The following STPG2 variants were observed in gnomAD, a reference collection of about 807,000 sequenced individuals.
STPG2 encodes sperm tail PG-rich repeat containing 2, also known as sperm-tail PG-rich repeat-containing protein 2.
Under a neutral mutation model 54.2 loss-of-function variants are expected in STPG2, and 56 were observed. That is an observed-to-expected ratio of 1.03 (90% CI 0.83 to 1.29). STPG2 has a LOEUF of 1.29. Among genes scored for constraint, STPG2 ranks in the 50% most tolerant of loss-of-function variants. The probability of loss-of-function intolerance (pLI) is 0.00; values close to 1 mark genes in which losing one functional copy is unlikely to be tolerated. For missense variants in STPG2, 596 were observed against 544.9 expected (o/e 1.09, Z -0.93); for synonymous variants, 200 against 181.8 (o/e 1.10, Z -0.81).
intron 7 of STPG2, among the ~76,000 whole-genome samples, chr4:97,960,750 T>C (rs1733854750): frequency 1.3e-5 from 2 of 152,128 alleles, no homozygotes; most frequent in African/African-American, 4.8e-5. Flanking sequence ...GTAGAATCAA[T>C]ATTGTGAAAA....
At chr4:97,876,844 G>A (rs923348835) in intron 8 of STPG2, among the ~76,000 whole-genome samples, 4 of 151,804 alleles carry the variant, frequency 2.6e-5, no homozygotes, top group Non-Finnish European at 4.4e-5. Context: ...TGTTTTCTTA[G>A]CCTGGAAATA....
At chr4:97,982,077 G>A (rs920320527) in intron 5 of STPG2, among the ~76,000 whole-genome samples, 7 of 151,574 alleles carry the variant, frequency 4.6e-5, no homozygotes, top group Non-Finnish European at 8.8e-5. Flanking sequence ...GTAGAAACGG[G>A]GTTTCACCGT....
At chr4:97,606,250 T>C (rs1733589256) in intron 10 of STPG2, among the ~76,000 whole-genome samples, 1 of 151,922 alleles carries the variant, frequency 6.6e-6, no homozygotes, top group African/African-American at 2.4e-5. Context: ...ATTTTCTAAA[T>C]AAAGACTCTG....
At chr4:97,952,283 G>A (rs1431045768) in intron 7 of STPG2, among the ~76,000 whole-genome samples, 1 of 152,044 alleles carries the variant, frequency 6.6e-6, no homozygotes, top group Non-Finnish European at 1.5e-5. Flanking sequence ...GGAGGAAAAA[G>A]AATTCCCCTT....
At chr4:98,101,676 C>T (rs939163055) in intron 5 of STPG2, among the ~76,000 whole-genome samples, 2 of 152,072 alleles carry the variant, frequency 1.3e-5, no homozygotes, top group Non-Finnish European at 2.9e-5. Context: ...TTTACAGTTC[C>T]CTTATCACCT....
intron 9 of STPG2, among the ~76,000 whole-genome samples, chr4:97,729,279 T>C (rs1268534117): frequency 6.6e-6 from 1 of 152,128 alleles, no homozygotes; most frequent in Non-Finnish European, 1.5e-5. Flanking sequence ...TTTTGCTATC[T>C]TTCAGATTTG....
At chr4:97,764,667 T>C (rs1216107962) in intron 9 of STPG2, among the ~76,000 whole-genome samples, 9 of 152,128 alleles carry the variant, frequency 5.9e-5, no homozygotes, top group Non-Finnish European at 1.3e-4. Context: ...TAATTAAAAG[T>C]ATATATATGT....
chr4:98,035,659 C>A (rs1037678463), intron 5 of STPG2, among the ~76,000 whole-genome samples: 2 of 152,120 alleles, frequency 1.3e-5, no homozygotes, highest in East Asian at 3.9e-4. Context: ...ATGTTTATTG[C>A]GGCATTGTTC....
chr4:97,474,209 A>G (rs1730016198), intron 4 of STPG2, among the ~76,000 whole-genome samples: 1 of 152,034 alleles, frequency 6.6e-6, no homozygotes, highest in Non-Finnish European at 1.5e-5. Flanking sequence ...CTCTCCATAC[A>G]TTTTGTTCAA....
At position 97,593,895 on chromosome 4, in the gene STPG2, A is replaced by G. The variant is rs181899148; in HGVS notation, c.1321-34778T>C. On this transcript the variant is annotated intron_variant, in intron 10 of 10. Coordinates refer to ENST00000295268, the MANE Select transcript of STPG2 (RefSeq NM_174952.3). ...TGGAGCATGTAGCCCAGAAATGCTG[A>G]GCCGAGCCATGATGCCTTAAGTTCT... Among the ~76,000 whole-genome samples the G allele has an allele frequency of 2.9e-3, 449 of 152,270 alleles. 2 individuals are homozygous for G. The highest frequency in any genetic ancestry group is 0.01 in the African/African-American group (432 of 41,550).
At chr4:97,615,205 G>C (rs2148918375) in intron 10 of STPG2, among the ~76,000 whole-genome samples, 2 of 152,124 alleles carry the variant, frequency 1.3e-5, no homozygotes, top group South Asian at 4.1e-4. Flanking sequence ...TTAAACTGAT[G>C]ACTTATCTTT....
chr4:97,694,045 A>G (rs1817220), intron 10 of STPG2, among the ~76,000 whole-genome samples: 89,348 of 151,834 alleles, frequency 0.59, 26,594 homozygotes, highest in South Asian at 0.68. Context: ...AGCATCAAAC[A>G]CCTACATCAA....
At chr4:97,485,040 A>C (rs1054222565) in intron 4 of STPG2, among the ~76,000 whole-genome samples, 4 of 151,884 alleles carry the variant, frequency 2.6e-5, no homozygotes, top group Admixed American at 6.6e-5. Context: ...CAAAATCAGC[A>C]TACAAGGGAC....
At chr4:97,616,575 T>C (rs927928061) in intron 10 of STPG2, among the ~76,000 whole-genome samples, 2 of 152,148 alleles carry the variant, frequency 1.3e-5, no homozygotes, top group African/African-American at 4.8e-5. Flanking sequence ...TTTATCTTTT[T>C]CTATTTGGCA....
At position 97,797,971 on chromosome 4, in the gene STPG2, G is replaced by C. The variant is rs184927505; in HGVS notation, c.1204+42802C>G. ...TTCTTCTAGATTTTCTAGTTTATTT[G>C]CATAGAGGTGTTTATAGTATTCTCT... On this transcript the variant is annotated intron_variant, in intron 9 of 10. Transcript: ENST00000295268. Among the ~76,000 whole-genome samples the C allele has an allele frequency of 4.4e-3, 668 of 152,232 alleles. 5 individuals carry two copies. Among genetic ancestry groups the C allele is most frequent in the African/African-American group, 0.015 (636 of 41,546 alleles).
At chr4:98,032,701 C>T (rs952317233) in intron 5 of STPG2, among the ~76,000 whole-genome samples, 4 of 152,152 alleles carry the variant, frequency 2.6e-5, no homozygotes, top group Admixed American at 2.0e-4. Context: ...AAGTAAAACA[C>T]TCCTCAGCAA....
intron 4 of STPG2, among the ~76,000 whole-genome samples, chr4:97,463,762 A>G (rs555785749): frequency 7.2e-5 from 11 of 152,254 alleles, no homozygotes; most frequent in Middle Eastern, 3.4e-3. Flanking sequence ...TCCTATTGTT[A>G]TTATCTTACA....
intron 8 of STPG2, among the ~76,000 whole-genome samples, chr4:97,878,484 C>A (rs1730257223): frequency 6.6e-6 from 1 of 152,152 alleles, no homozygotes; most frequent in Non-Finnish European, 1.5e-5. Context: ...CCCTTTTGTG[C>A]AACCCATAGG....
chr4:97,860,071 G>T (rs1307312477), intron 8 of STPG2, among the ~76,000 whole-genome samples: 1 of 152,164 alleles, frequency 6.6e-6, no homozygotes, highest in Non-Finnish European at 1.5e-5. Flanking sequence ...TCTCTATTCT[G>T]TTCCATTGGT....
Sources: gnomAD v4.1 joint callset for allele counts (sites outside exome capture counted in the v4.1 genomes callset) on GRCh38, gnomAD v4.1.1 for gene constraint, MANE v1.5 for transcripts, NCBI Gene and HGNC (gene_info 2026-07-23, HGNC 2026-07-21) for gene names.